The following RAI14 variants were observed in gnomAD, a reference collection of about 807,000 sequenced individuals.
RAI14 encodes retinoic acid induced 14.
RAI14 carries 45 observed loss-of-function variants against 115.4 expected under a neutral mutation model. The ratio of observed to expected loss-of-function variants is 0.39; its 90% CI spans 0.31 to 0.50. RAI14 has a LOEUF of 0.50. Ranked by LOEUF, RAI14 falls within the 20% of genes least tolerant of loss-of-function variation. The pLI, the probability that RAI14 is intolerant of heterozygous loss-of-function variation, is 0.85. For missense variants in RAI14, 939 were observed against 1,131.2 expected, an observed-to-expected ratio of 0.83 and a Z score of 2.44; for synonymous variants, 371 against 415.4, an observed-to-expected ratio of 0.89 and a Z score of 1.30.
At position 34,823,858 on chromosome 5, in the gene RAI14, A is replaced by C. The variant is rs757735357; in HGVS notation, c.2016A>C (p.Thr672=). ...AGAGGAAATCTCTAGAGGATGTCAC[A>C]GCTGAATATATCCATAAAGCAGAGC... ...YRKRKSLEDV[T]AEYIHKAEHE... The change falls in exon 15 of 18, where the codon ACA becomes ACC. Residue 672 remains threonine (T), a synonymous_variant. Coordinates refer to ENST00000265109, the MANE Select transcript of RAI14 (RefSeq NM_015577.3). The surrounding 1 kb of genome is among the most constrained non-coding windows in gnomAD (Gnocchi z 4.5). 3 of 1,614,086 alleles carry C rather than the reference A, an allele frequency of 1.9e-6. No homozygotes were observed. In the African/African-American group the frequency reaches 4.0e-5, roughly 22 times the overall value.
intron 3 of RAI14, among the ~76,000 whole-genome samples, chr5:34,772,147 A>C (rs1750244166): frequency 6.6e-6 from 1 of 152,192 alleles, no homozygotes; most frequent in Non-Finnish European, 1.5e-5. Context: ...TCCTGAGCTC[A>C]GGTGATCCAC....
chr5:34,811,598 C>CAAAAA (rs1755592686), intron 8 of RAI14, among the ~76,000 whole-genome samples, 169 bp from the exon 9 acceptor site: 15 of 134,468 alleles, frequency 1.1e-4, no homozygotes, highest in South Asian at 2.5e-4. Context: ...AAAAAAAAAC[C>CAAAAA]ACCTAATTTC....
chr5:34,688,661 G>A (rs1359653554), intron 2 of RAI14, among the ~76,000 whole-genome samples: 3 of 152,164 alleles, frequency 2.0e-5, no homozygotes, highest in Admixed American at 2.0e-4. Flanking sequence ...AGGAGAGCCT[G>A]GGGAGGAGGA....
intron 1 of RAI14, among the ~76,000 whole-genome samples, chr5:34,676,862 T>C (rs374774375): frequency 5.9e-4 from 90 of 152,298 alleles, no homozygotes; most frequent in African/African-American, 2.0e-3. Context: ...TTTATTTTCT[T>C]GGAAAAAAAT....
At chr5:34,830,604 C>T in intron 17 of RAI14, 84 bp from the exon 18 acceptor site, 1 of 1,592,472 alleles carries the variant, frequency 6.3e-7, no homozygotes, top group Non-Finnish European at 8.6e-7. Flanking sequence ...GTCTTCATTG[C>T]AGTCAGCCAT....
chr5:34,677,143 G>T (rs2149865399), intron 1 of RAI14, among the ~76,000 whole-genome samples: 1 of 77,300 alleles, frequency 1.3e-5, no homozygotes, highest in South Asian at 3.4e-4. Context: ...GTCTCTGGAT[G>T]AAATCTATGA....
chr5:34,829,834 A>G (rs756030591), intron 17 of RAI14, 37 bp downstream of exon 17: 1 of 1,505,818 alleles, frequency 6.6e-7, no homozygotes, highest in Non-Finnish European at 9.1e-7. Context: ...GGACATCCTA[A>G]AGAAATACGG....
rs913714201 is a variant in RAI14 at position 34,832,392 on chromosome 5, C to A, written c.*1627C>A. ...TCACAGCACTTCAGAAAATACACAA[C>A]AGCCCCTTCTGCCCCCGCACAGAAA... On this transcript the variant is annotated 3_prime_UTR_variant, in exon 18 of 18. Coordinates refer to ENST00000265109, the MANE Select transcript of RAI14 (RefSeq NM_015577.3). The A allele has an allele frequency of 1.3e-5, 2 of 152,666 alleles. No homozygotes were observed. Among genetic ancestry groups the A allele is most frequent in the African/African-American group, 4.8e-5 (2 of 41,466 alleles). 9.5% of individuals were successfully genotyped at this position (152,666 alleles called of 1,614,324 possible). A position where few individuals can be genotyped will look rare whatever the true frequency, so the allele number is the denominator to read the frequency against.
intron 1 of RAI14, among the ~76,000 whole-genome samples, chr5:34,680,194 A>T (rs995822610): frequency 6.6e-6 from 1 of 152,188 alleles, no homozygotes; most frequent in African/African-American, 2.4e-5. Context: ...GCAGAGAACT[A>T]TGAAGTGATT....
chr5:34,796,531 G>C (rs1472524786), intron 4 of RAI14, among the ~76,000 whole-genome samples: 2 of 152,068 alleles, frequency 1.3e-5, no homozygotes, highest in Non-Finnish European at 2.9e-5. Flanking sequence ...TCTTTCATGT[G>C]GTTAGTCAAC....
In RAI14 at chr5:34,689,316, G is replaced by A. The variant is rs1015821016; in HGVS notation, c.36+2361G>A. 2.6e-5 allele frequency among the ~76,000 whole-genome samples: 4 copies of A among 152,120 alleles called. No homozygotes were observed. The East Asian group carries it at 7.8e-4, about 30-fold the overall frequency. ...GCTACTCGGGAGGCTGAGGTGGGAG[G>A]AAGGCTTGAGCCCAAGAGGTCAAGG... is the stretch of plus-strand genomic sequence containing the variant. On this transcript the variant is annotated intron_variant, in intron 2 of 17. Coordinates refer to ENST00000265109, the MANE Select transcript of RAI14 (RefSeq NM_015577.3).
intron 3 of RAI14, among the ~76,000 whole-genome samples, chr5:34,767,600 AC>A (rs1381235088): frequency 1.7e-5 from 1 of 60,114 alleles, no homozygotes; most frequent in African/African-American, 6.3e-5. Flanking sequence ...CGCCCCCACC[AC>A]CCCCACCACC....
intron 4 of RAI14, among the ~76,000 whole-genome samples, chr5:34,799,527 CACACACACACACAA>C (rs1307438323): frequency 3.4e-5 from 3 of 88,108 alleles, no homozygotes; most frequent in African/African-American, 1.3e-4. Context: ...CACACACACA[CACACACACACACAA>C]AACCACCTTT....
intron 13 of RAI14, among the ~76,000 whole-genome samples, chr5:34,819,208 G>A (rs1326721893): frequency 2.0e-5 from 3 of 152,166 alleles, no homozygotes; most frequent in Non-Finnish European, 4.4e-5. Context: ...TGTTATTGCA[G>A]ATATCTTGAA....
chr5:34,829,926 T>C, intron 17 of RAI14, 129 bp downstream of exon 17: 1 of 759,218 alleles, frequency 1.3e-6, no homozygotes, highest in Admixed American at 2.8e-5. Flanking sequence ...CTGGAAAGCC[T>C]GAATATGCCT....
At chr5:34,824,669 C>T (rs1381129464) in intron 15 of RAI14, among the ~76,000 whole-genome samples, 178 bp downstream of exon 15, 3 of 152,144 alleles carry the variant, frequency 2.0e-5, no homozygotes, top group African/African-American at 7.2e-5. Context: ...GTCGGCCGGA[C>T]GTGGTGGCTC....
Position 34,823,850 on chromosome 5 carries a change from G to A in RAI14, c.2008G>A (p.Asp670Asn), listed in dbSNP as rs1757167389. The A allele has an allele frequency of 1.9e-6, 3 of 1,614,048 alleles. No homozygotes were observed. The African/African-American group carries it at 4.0e-5, about 22-fold the overall frequency. ...EDYRKRKSLE[D>N]VTAEYIHKAE... ...TTACAGGAAGAGGAAATCTCTAGAG[G>A]ATGTCACAGCTGAATATATCCATAA... The change falls in exon 15 of 18, where the codon GAT becomes AAT. Residue 670 changes from aspartate (D) to asparagine (N), a missense_variant. Asp to Asn is a conservative substitution (Grantham distance 23). Coordinates refer to ENST00000265109, the MANE Select transcript of RAI14 (RefSeq NM_015577.3). The surrounding 1 kb of genome is among the most constrained non-coding windows in gnomAD (Gnocchi z 4.5).
intron 3 of RAI14, among the ~76,000 whole-genome samples, chr5:34,767,472 C>G (rs904330668): frequency 6.6e-6 from 1 of 152,264 alleles, no homozygotes; most frequent in Admixed American, 6.5e-5. Flanking sequence ...TGAGCAGCAA[C>G]CAGCCTGCTC....
At chr5:34,731,861 C>T (rs925877515) in intron 2 of RAI14, among the ~76,000 whole-genome samples, 1 of 152,188 alleles carries the variant, frequency 6.6e-6, no homozygotes, top group African/African-American at 2.4e-5. Flanking sequence ...AGAATTAACC[C>T]AAAAACGAAT....
Sources: gnomAD v4.1 joint callset for allele counts (sites outside exome capture counted in the v4.1 genomes callset) on GRCh38, gnomAD v4.1.1 for gene constraint, Gnocchi (gnomAD v3.1) non-coding constraint, MANE v1.5 for transcripts, NCBI Gene and HGNC (gene_info 2026-07-23, HGNC 2026-07-21) for gene names.